Variants in KDM4A observed in about 807,000 individuals in gnomAD.
KDM4A encodes lysine-specific demethylase 4A.
Under a neutral mutation model 127.1 loss-of-function variants are expected in KDM4A, and 23 were observed. That is an observed-to-expected ratio of 0.18 (90% CI 0.13 to 0.26). KDM4A has a LOEUF of 0.26. Among genes scored for constraint, KDM4A ranks in the 10% least tolerant of loss-of-function variants. The probability of loss-of-function intolerance (pLI) is 1.00; values close to 1 mark genes in which losing one functional copy is unlikely to be tolerated. For missense variants in KDM4A, 890 were observed against 1,329.1 expected (o/e 0.67, Z 5.14); for synonymous variants, 443 against 466.5 (o/e 0.95, Z 0.65).
chr1:43,655,212 A>T (rs1321028466), intron 2 of KDM4A, among the ~76,000 whole-genome samples: 7 of 152,202 alleles, frequency 4.6e-5, no homozygotes, highest in Non-Finnish European at 8.8e-5. Context: ...TAGTGTGTGA[A>T]AAAAGGAAAT....
At chr1:43,681,506 T>C (rs1660855988) in intron 11 of KDM4A, among the ~76,000 whole-genome samples, 1 of 152,322 alleles carries the variant, frequency 6.6e-6, no homozygotes, top group Admixed American at 6.5e-5. Flanking sequence ...CTTGGGTACA[T>C]GTTGTGTACC....
At chr1:43,660,200 C>A (rs1660339500) in intron 3 of KDM4A, 98 bp from the exon 4 acceptor site, 2 of 1,308,108 alleles carry the variant, frequency 1.5e-6, no homozygotes, top group South Asian at 1.3e-5. Context: ...ATTTGAAATT[C>A]TTGCTGTCAC....
At position 43,653,234 on chromosome 1, in the gene KDM4A, CTA is replaced by C; in HGVS notation, c.61_62del (p.Met21GlyfsTer8). 1 of 1,613,930 alleles carries C rather than the reference CTA, an allele frequency of 6.2e-7. No individual in the cohort carries two copies. ...GCTAGGATAATGACCTTTTATCCAA[CTA>C]TGGAAGAGTTCCGAAACTTCAGTAG... On this transcript the variant is annotated frameshift_variant, in exon 2 of 22. Coordinates refer to ENST00000372396, the MANE Select transcript of KDM4A (RefSeq NM_014663.3). LOFTEE classifies it high-confidence loss of function.
Position 43,653,268 on chromosome 1 carries a change from T to G in KDM4A, c.93T>G (p.Ile31Met). ...AGTTCCGAAACTTCAGTAGATACATTGCCTACATTGAATCCCAAGGAGCTC... is the reference window on the plus strand; with the variant it reads ...AGTTCCGAAACTTCAGTAGATACATGGCCTACATTGAATCCCAAGGAGCTC... ...MEEFRNFSRYIAYIESQGAHR... is the reference protein window; with the variant it reads ...MEEFRNFSRYMAYIESQGAHR... Residue 31 changes from isoleucine (I) to methionine (M), a missense_variant, in exon 2 of 22, where the codon ATT (isoleucine) becomes ATG (methionine). Transcript: ENST00000372396. The G allele has an allele frequency of 6.2e-7, 1 of 1,613,644 alleles. No individual in the cohort carries two copies. Among genetic ancestry groups the G allele is most frequent in the Non-Finnish European group, 8.5e-7 (1 of 1,179,768 alleles).
chr1:43,692,389 G>C, intron 16 of KDM4A, 78 bp downstream of exon 16: 1 of 1,234,398 alleles, frequency 8.1e-7, no homozygotes, highest in Non-Finnish European at 1.2e-6. Flanking sequence ...GGTACTAGCT[G>C]TTCTTCTGAA....
intron 13 of KDM4A, among the ~76,000 whole-genome samples, chr1:43,689,777 C>T (rs2154048465): frequency 1.3e-5 from 2 of 152,324 alleles, no homozygotes; most frequent in South Asian, 4.1e-4. Context: ...TCCTTACCTG[C>T]TGTGGTGGTT....
intron 10 of KDM4A, among the ~76,000 whole-genome samples, chr1:43,669,752 G>T (rs561870439): frequency 6.6e-6 from 1 of 151,798 alleles, no homozygotes; most frequent in Non-Finnish European, 1.5e-5. Flanking sequence ...GGGTTCAAGC[G>T]ATTCTCCTGC....
At chr1:43,661,449 A>G (rs548312022) in intron 4 of KDM4A, among the ~76,000 whole-genome samples, 3 of 151,588 alleles carry the variant, frequency 2.0e-5, no homozygotes, top group East Asian at 2.0e-4. Flanking sequence ...TCTACTAAAA[A>G]TAAAAAAAAA....
chr1:43,700,630 C>T (rs1470141578), intron 19 of KDM4A, among the ~76,000 whole-genome samples: 1 of 151,904 alleles, frequency 6.6e-6, no homozygotes, highest in Non-Finnish European at 1.5e-5. Flanking sequence ...GCCATCTTGC[C>T]CAGGTAGTCT....
In KDM4A at chr1:43,694,935, C is replaced by T. The variant is rs1447951428; in HGVS notation, c.2670+41C>T. On this transcript the variant is annotated intron_variant, in intron 18 of 21. Transcript: ENST00000372396. This position sits in a 1 kb window ranked among gnomAD's most constrained non-coding sequence, Gnocchi z 5.2. ...ATTCTAGAATCCTCTTGACAGTTTT[C>T]ATGGTCATTTTCTCTGCATGTTTTC... 9 of 1,541,268 alleles carry T rather than the reference C, an allele frequency of 5.8e-6. No individual in the cohort carries two copies. The highest frequency in any genetic ancestry group is 2.3e-5 in the East Asian group (1 of 43,660).
At chr1:43,697,024 G>C (rs1243333125) in intron 18 of KDM4A, among the ~76,000 whole-genome samples, 1 of 152,226 alleles carries the variant, frequency 6.6e-6, no homozygotes, top group African/African-American at 2.4e-5. Context: ...AATTAAGTCA[G>C]ATAAGGGGAA....
intron 19 of KDM4A, 144 bp downstream of exon 19, chr1:43,698,157 G>A: frequency 4.0e-6 from 3 of 755,420 alleles, no homozygotes; most frequent in East Asian, 2.7e-5. Context: ...AGAATCATCT[G>A]TACCAGTCTT....
At chr1:43,654,514 T>C (rs1047598265) in intron 2 of KDM4A, among the ~76,000 whole-genome samples, 3 of 152,100 alleles carry the variant, frequency 2.0e-5, no homozygotes, top group Non-Finnish European at 4.4e-5. Context: ...TCTAGGTCAA[T>C]TATGGATTCA....
chr1:43,696,865 A>G (rs1385787789), intron 18 of KDM4A, among the ~76,000 whole-genome samples: 1 of 152,206 alleles, frequency 6.6e-6, no homozygotes, highest in Non-Finnish European at 1.5e-5. Context: ...AGCATTTACT[A>G]TATGCCAGGC....
At chr1:43,689,528 G>A (rs1661062238) in intron 13 of KDM4A, among the ~76,000 whole-genome samples, 1 of 152,200 alleles carries the variant, frequency 6.6e-6, no homozygotes, top group African/African-American at 2.4e-5. Context: ...AATGCGTGTT[G>A]CCAGTAGCAG....
At chr1:43,679,426 C>G (rs1004914204) in intron 11 of KDM4A, among the ~76,000 whole-genome samples, 5 of 152,160 alleles carry the variant, frequency 3.3e-5, no homozygotes, top group African/African-American at 1.2e-4. Context: ...GGGGCAGAAG[C>G]TGAGCAACTT....
chr1:43,660,997 G>A (rs374398828), intron 4 of KDM4A, among the ~76,000 whole-genome samples: 2 of 149,834 alleles, frequency 1.3e-5, no homozygotes, highest in African/African-American at 2.5e-5. Context: ...TTTTTGAGAC[G>A]GAGTTTCGCT....
rs375733010 is a variant in KDM4A at position 43,667,977 on chromosome 1, T to C, written c.1121T>C (p.Met374Thr). 7 of 1,613,748 alleles carry C rather than the reference T, an allele frequency of 4.3e-6. No individual in the cohort carries two copies. The highest frequency in any genetic ancestry group is 1.3e-5 in the African/African-American group (1 of 74,816). Reference protein sequence around the residue: ...GNEEECPEEDMEGVEDGEEGD... With the variant: ...GNEEECPEEDTEGVEDGEEGD... Reference sequence around the variant, plus strand: ...GAGGAGGAGTGCCCAGAGGAGGACATGGAAGGGGTGGAGGATGGAGAGGAA... The same window carrying C: ...GAGGAGGAGTGCCCAGAGGAGGACACGGAAGGGGTGGAGGATGGAGAGGAA... Residue 374 changes from methionine to threonine, a missense_variant, in exon 9 of 22, where the codon ATG becomes ACG. Around this residue, in one of 7 missense-constraint regions of KDM4A, gnomAD observed 389 missense variants for 485.9 expected, o/e 0.80. Transcript: ENST00000372396.
Position 43,671,821 on chromosome 1 carries a change from C to T in KDM4A, c.1680C>T (p.Cys560=). ...GDGRVTVGEP[C]TRKKGSAARS... is the part of the protein sequence containing the mutation. The stretch of plus-strand genomic sequence containing the variant: ...GCAGGGTCACTGTGGGAGAGCCATG[C>T]ACGAGGAAGAAAGGAAGCGCCGCTA... The change falls in exon 11 of 22, where the codon TGC becomes TGT. Residue 560 remains cysteine (C), a synonymous_variant. Transcript: ENST00000372396. 6.3e-7 allele frequency: 1 copy of T among 1,594,432 alleles called. No homozygotes were observed. The highest frequency in any genetic ancestry group is 1.4e-5 in the African/African-American group (1 of 73,960).
Sources: gnomAD v4.1 joint callset for allele counts (sites outside exome capture counted in the v4.1 genomes callset) on GRCh38, gnomAD v4.1.1 for gene constraint, gnomAD v4.1.1 regional missense constraint, Gnocchi (gnomAD v3.1) non-coding constraint, MANE v1.5 for transcripts, NCBI Gene and HGNC (gene_info 2026-07-23, HGNC 2026-07-21) for gene names.